Variants in ERN2 observed in about 807,000 individuals in gnomAD.
ERN2 encodes the protein endoplasmic reticulum to nucleus signaling 2, also known as serine/threonine-protein kinase/endoribonuclease IRE2.
In ERN2, 111 loss-of-function variants were observed where a neutral mutation model predicts 107.9. That is an observed-to-expected ratio of 1.03 (90% confidence interval 0.88 to 1.20). The LOEUF (loss-of-function observed/expected upper bound fraction) is 1.20. Ranked by LOEUF, ERN2 falls within the 50% of genes most tolerant of loss-of-function variation. ERN2 has a pLI of 0.00. For synonymous variants in ERN2, 524 were observed against 501.7 expected (o/e 1.04, Z -0.59); for missense variants, 1,225 against 1,197.9 (o/e 1.02, Z -0.33).
At chr16:23,710,822 A>C in intron 2 of ERN2, 91 bp downstream of exon 2, 1 of 1,023,680 alleles carries the variant, frequency 9.8e-7, no homozygotes, top group East Asian at 2.4e-5. Context: ...ATTGGATTCT[A>C]GAGCCCATGT....
At chr16:23,704,215 A>G (rs1446582781) in intron 8 of ERN2, among the ~76,000 whole-genome samples, 4 of 152,230 alleles carry the variant, frequency 2.6e-5, no homozygotes, top group Non-Finnish European at 5.9e-5. Context: ...TATTTAAAGT[A>G]TTTAACAATC....
chr16:23,700,704 GCT>G lies in ERN2; in HGVS notation c.1360-2_1360-1del, dbSNP rs1481080704. The stretch of plus-strand genomic sequence containing the variant: ...TGCTTCTCCACCACCTGCGGCTGTT[GCT>G]GTAACATGAGAGCCTAAGAGAGCTT... On this transcript the variant is annotated splice_acceptor_variant, in intron 12 of 21. Transcript: ENST00000256797. LOFTEE classifies it high-confidence loss of function. The G allele has an allele frequency of 4.7e-5, 75 of 1,611,152 alleles. No homozygotes were observed. The highest frequency in any genetic ancestry group is 6.2e-5 in the Non-Finnish European group (73 of 1,178,726).
intron 2 of ERN2, among the ~76,000 whole-genome samples, 165 bp downstream of exon 2, chr16:23,710,748 G>A (rs1960508186): frequency 6.6e-6 from 1 of 152,230 alleles, no homozygotes; most frequent in African/African-American, 2.4e-5. Context: ...GATCAGAGAG[G>A]TAAGGTGGGT....
In ERN2 at chr16:23,695,408, C is replaced by A; in HGVS notation, c.1611-19G>T. Reference sequence around the variant, plus strand: ...CTGTCCCCTGGAAAGTGGGTGATGGCGGGGGCAGGGGGGCATTCAGGGAAA... The same window carrying A: ...CTGTCCCCTGGAAAGTGGGTGATGGAGGGGGCAGGGGGGCATTCAGGGAAA... On this transcript the variant is annotated intron_variant, in intron 14 of 21. Coordinates refer to ENST00000256797, the MANE Select transcript of ERN2 (RefSeq NM_033266.4). 6.4e-7 allele frequency: 1 copy of A among 1,569,552 alleles called. No individual in the cohort carries two copies. Among genetic ancestry groups the A allele is most frequent in the African/African-American group, 1.4e-5 (1 of 73,946 alleles).
rs1960526754 is a variant in ERN2, at chr16:23,711,167, C to G, written c.94-149G>C. On this transcript the variant is annotated intron_variant, in intron 1 of 21. Coordinates refer to ENST00000256797, the MANE Select transcript of ERN2 (RefSeq NM_033266.4). The stretch of plus-strand genomic sequence containing the variant: ...GTGATTGGGGAACGTGCTGGTGTCA[C>G]TCATCATCTCTTTGACCCTAGAGAA... The G allele has an allele frequency of 8.3e-6, 5 of 598,826 alleles. No individual in the cohort carries two copies. The South Asian group carries it at 1.0e-4, about 12-fold the overall frequency. The allele number at this position is 598,826 out of a possible 1,614,324, so 37.1% of individuals were successfully genotyped here. A position where few individuals can be genotyped will look rare whatever the true frequency, so the allele number is the denominator to read the frequency against.
At chr16:23,702,124 C>T (rs1960097353) in intron 11 of ERN2, 28 bp downstream of exon 11, 3 of 1,601,978 alleles carry the variant, frequency 1.9e-6, no homozygotes, top group Middle Eastern at 2.2e-4. Context: ...GCCTCCCTAC[C>T]CCCACTCTCT....
Position 23,702,118 on chromosome 16 carries a change from C to T in ERN2, c.1203+34G>A, listed in dbSNP as rs1198989155. The T allele has an allele frequency of 1.9e-6, 3 of 1,596,924 alleles. No individual in the cohort carries two copies. In the South Asian group the frequency reaches 3.4e-5, roughly 18 times the overall value. ...CTATTCCCCCCATCTGCTGGGGCCT[C>T]CCTACCCCCACTCTCTCCCCTCCCA... On this transcript the variant is annotated intron_variant, in intron 11 of 21. Transcript: ENST00000256797.
Position 23,690,567 on chromosome 16 carries a change from A to T in ERN2, c.*264T>A. ...ACTCCTGGGCTCAAGTGATTCTCCC[A>T]CCTCAGCCTCCCAAGCAGCTGGGAC... On this transcript the variant is annotated 3_prime_UTR_variant, in exon 22 of 22. Coordinates refer to ENST00000256797, the MANE Select transcript of ERN2 (RefSeq NM_033266.4). The T allele has an allele frequency of 2.0e-6, 1 of 506,894 alleles. No individual in the cohort carries two copies. Among genetic ancestry groups the T allele is most frequent in the Non-Finnish European group, 3.6e-6 (1 of 278,608 alleles). 31.4% of individuals were successfully genotyped at this position (506,894 alleles called of 1,614,324 possible).
rs979868350 is a variant in ERN2 at position 23,705,084 on chromosome 16, G to A, written c.653C>T (p.Thr218Met). Residue 218 changes from threonine (T) to methionine (M), a missense_variant, in exon 8 of 22, where the codon ACG becomes ATG. By Grantham distance (81) the Thr-to-Met change is moderately conservative. Transcript: ENST00000256797. ...LLLTVDPGSGTVLWTQDLGVP... is the reference protein window; with the variant it reads ...LLLTVDPGSGMVLWTQDLGVP... The stretch of plus-strand genomic sequence containing the variant: ...GCCCAGGTCCTGTGTCCACAGCACC[G>A]TCCCGCTTCCTGGGTCCACAGTGAG... 1.2e-5 allele frequency: 20 copies of A among 1,613,818 alleles called. No homozygotes were observed. The highest frequency in any genetic ancestry group is 2.2e-5 in the South Asian group (2 of 91,076).
Position 23,702,246 on chromosome 16 carries a change from T to C in ERN2, c.1109A>G (p.His370Arg), listed in dbSNP as rs1200842649. The change falls in exon 11 of 22, where the codon CAC becomes CGC. Residue 370 changes from histidine (H) to arginine (R), a missense_variant. Transcript: ENST00000256797. ...IGHHELPPVLHTTMLRVHPTL... is the reference protein window; with the variant it reads ...IGHHELPPVLRTTMLRVHPTL... ...GGGATGGACCCTCAGCATGGTGGTGTGCAGGACTGGGGGTAGCTCGTGGTG... is the reference window on the plus strand; with the variant it reads ...GGGATGGACCCTCAGCATGGTGGTGCGCAGGACTGGGGGTAGCTCGTGGTG... 1.2e-6 allele frequency: 2 copies of C among 1,614,048 alleles called. No homozygotes were observed. The highest frequency in any genetic ancestry group is 2.7e-5 in the African/African-American group (2 of 74,932).
chr16:23,712,041 A>T (rs778791625), intron 1 of ERN2: 1 of 454,360 alleles, frequency 2.2e-6, no homozygotes. Context: ...CTGAGCTCCC[A>T]GCAGGAGGCC....
At chr16:23,710,784 C>A in intron 2 of ERN2, 129 bp downstream of exon 2, 1 of 830,456 alleles carries the variant, frequency 1.2e-6, no homozygotes, top group Non-Finnish European at 2.0e-6. Context: ...AGCTGGTAAG[C>A]AGTGAAGCTG....
In ERN2 at chr16:23,706,774, CG is replaced by C. The variant is rs760310462; in HGVS notation, c.466del (p.Arg156AlafsTer43). ...TLTTEGPSTP[R>X]LYIGRTQYTV... The stretch of plus-strand genomic sequence containing the variant: ...CTCACGTGTTCGGCCAATGTAGAGG[CG>C]GGGGGTGGAGGGACCCTCTGTGGTC... On this transcript the variant is annotated frameshift_variant, in exon 6 of 22. Coordinates refer to ENST00000256797, the MANE Select transcript of ERN2 (RefSeq NM_033266.4). LOFTEE classifies it high-confidence loss of function. 1 of 1,608,558 alleles carries C rather than the reference CG, an allele frequency of 6.2e-7. No individual in the cohort carries two copies. The highest frequency in any genetic ancestry group is 8.5e-7 in the Non-Finnish European group (1 of 1,177,258).
chr16:23,690,488 T>C lies in ERN2; in HGVS notation c.*343A>G. On this transcript the variant is annotated 3_prime_UTR_variant, in exon 22 of 22. Transcript: ENST00000256797. ...GGGGGAAAGGGGGTGACAGTGTCTC[T>C]CTGTGGACCAGGCTGGAGTGCAGTG... 1 of 463,002 alleles carries C rather than the reference T, an allele frequency of 2.2e-6. No individual in the cohort carries two copies. 28.7% of individuals were successfully genotyped at this position (463,002 alleles called of 1,614,324 possible).
At position 23,697,756 on chromosome 16, in the gene ERN2, C is replaced by CGTT. The variant is rs921014557; in HGVS notation, c.1526-1781_1526-1779dup. On this transcript the variant is annotated intron_variant, in intron 13 of 21. Transcript: ENST00000256797. ...AGGCAGCAAATGTGGGAGTTTTTGT[C>CGTT]GTTGTTGTTGTTGTTTTAGAAACAG... Among the ~76,000 whole-genome samples, 4 of 151,968 alleles carry CGTT rather than the reference C, an allele frequency of 2.6e-5. No individual in the cohort carries two copies. The East Asian group carries it at 5.8e-4, about 22-fold the overall frequency.
intron 4 of ERN2, among the ~76,000 whole-genome samples, chr16:23,707,629 C>A (rs534480544): frequency 3.3e-5 from 5 of 152,220 alleles, no homozygotes; most frequent in Admixed American, 2.6e-4. Context: ...GCAGGAGGAT[C>A]GCTTAAGTCC....
chr16:23,711,893 G>T, intron 1 of ERN2: 1 of 211,048 alleles, frequency 4.7e-6, no homozygotes, highest in Non-Finnish European at 1.0e-5. Flanking sequence ...GCTGGTTTTG[G>T]TGCCAGGCTC....
At chr16:23,691,693 G>A (rs903828408) in intron 19 of ERN2, among the ~76,000 whole-genome samples, 9 of 152,224 alleles carry the variant, frequency 5.9e-5, no homozygotes, top group Non-Finnish European at 8.8e-5. Flanking sequence ...TACTGGCACA[G>A]CATGAATGAT....
intron 8 of ERN2, among the ~76,000 whole-genome samples, chr16:23,704,342 A>T (rs1264887544): frequency 6.6e-6 from 1 of 152,018 alleles, no homozygotes; most frequent in Non-Finnish European, 1.5e-5. Context: ...TGTGGTAGGG[A>T]CCCGGTGGGA....
Sources: allele counts gnomAD v4.1 joint callset (sites outside exome capture counted in the v4.1 genomes callset), GRCh38; gene constraint gnomAD v4.1.1; transcripts MANE v1.5; gene names NCBI Gene and HGNC (gene_info 2026-07-23, HGNC 2026-07-21).